Variants in TMEM163 observed in about 807,000 individuals in gnomAD.
TMEM163 encodes transmembrane protein 163.
Under a neutral mutation model 29.3 loss-of-function variants are expected in TMEM163, and 17 were observed. That is an observed-to-expected ratio of 0.58 (90% CI 0.40 to 0.87). TMEM163 has a LOEUF of 0.87. Ranked by LOEUF, TMEM163 falls within the 40% of genes least tolerant of loss-of-function variation. TMEM163 has a pLI of 0.00. For synonymous variants in TMEM163, 157 were observed against 160.6 expected, an observed-to-expected ratio of 0.98 and a Z score of 0.17; for missense variants, 303 against 381.5, an observed-to-expected ratio of 0.79 and a Z score of 1.71.
At chr2:134,568,530 GAAAGA>G in intron 2 of TMEM163, among the ~76,000 whole-genome samples, 1 of 115,212 alleles carries the variant, frequency 8.7e-6, no homozygotes, top group South Asian at 2.7e-4. Flanking sequence ...CGTCAAGAAA[GAAAGA>G]AAAGAAAGAG....
chr2:134,633,504 C>T lies in TMEM163; in HGVS notation c.322+79696G>A, dbSNP rs183784942. ...GTCATGCAGACTCTTAATACAAGTT[C>T]CATAAAAAATTAGAAAGATGGGAGC... On this transcript the variant is annotated intron_variant, in intron 2 of 7. Transcript: ENST00000281924. 2.2e-3 allele frequency among the ~76,000 whole-genome samples: 339 copies of T among 152,164 alleles called. 3 individuals are homozygous for T. The highest frequency in any genetic ancestry group is 0.015 in the South Asian group (70 of 4,816).
rs528326156 is a variant in TMEM163, at chr2:134,537,734, C to T, written c.458+12836G>A. On this transcript the variant is annotated intron_variant, in intron 4 of 7. Transcript: ENST00000281924. ...TTCATCTGAGTCCCCTGACTTTGTG[C>T]CATTAAAATCAAGCTTCAATCCATG... is the stretch of plus-strand genomic sequence containing the variant. Among the ~76,000 whole-genome samples, 4 of 152,286 alleles carry T rather than the reference C, an allele frequency of 2.6e-5. No homozygotes were observed. In the South Asian group the frequency reaches 8.3e-4, roughly 32 times the overall value.
chr2:134,516,185 C>A (rs1432464484), intron 4 of TMEM163, among the ~76,000 whole-genome samples: 2 of 152,022 alleles, frequency 1.3e-5, no homozygotes, highest in Non-Finnish European at 2.9e-5. Context: ...ACTTCCCTCC[C>A]AAAACTGTAG....
chr2:134,458,038 C>A lies in TMEM163; in HGVS notation c.803G>T (p.Gly268Val). The change falls in exon 7 of 8, where the codon GGG becomes GTG. Residue 268 changes from glycine (G) to valine (V), a missense_variant. By Grantham distance (109) the Gly-to-Val change is moderately radical. Transcript: ENST00000281924. ...GGAAAGCACAAGAACCTACTTGACC[C>A]CATAGGCAAATATGGTGAGGCCGAT... ...VLIGLTIFAY[G>V]VKLLIDMVPR... The A allele has an allele frequency of 1.2e-6, 2 of 1,614,174 alleles. No homozygotes were observed. Among genetic ancestry groups the A allele is most frequent in the Non-Finnish European group, 1.7e-6 (2 of 1,180,034 alleles).
chr2:134,472,892 T>C (rs986790530), intron 5 of TMEM163, among the ~76,000 whole-genome samples: 1 of 152,224 alleles, frequency 6.6e-6, no homozygotes, highest in South Asian at 2.1e-4. Context: ...TCTCTGACAA[T>C]GGGATTAAAC....
chr2:134,606,616 T>C (rs999052771), intron 2 of TMEM163, among the ~76,000 whole-genome samples: 1 of 152,152 alleles, frequency 6.6e-6, no homozygotes, highest in Non-Finnish European at 1.5e-5. Flanking sequence ...ACAGGGGCTG[T>C]GCCTCCTGTG....
intron 2 of TMEM163, among the ~76,000 whole-genome samples, chr2:134,618,581 C>G (rs1200373121): frequency 6.6e-6 from 1 of 152,026 alleles, no homozygotes; most frequent in East Asian, 1.9e-4. Context: ...CTAACAAGAG[C>G]AAGATTATTT....
At chr2:134,641,170 C>T (rs1197483176) in intron 2 of TMEM163, among the ~76,000 whole-genome samples, 2 of 152,066 alleles carry the variant, frequency 1.3e-5, no homozygotes, top group African/African-American at 4.8e-5. Flanking sequence ...AAATAAAATG[C>T]AGAAACAGGC....
At chr2:134,461,974 G>T (rs543007947) in intron 6 of TMEM163, among the ~76,000 whole-genome samples, 2 of 152,268 alleles carry the variant, frequency 1.3e-5, no homozygotes, top group East Asian at 1.9e-4. Context: ...ATTATAGATC[G>T]CTCCCTAGTT....
chr2:134,459,706 G>A (rs1002712226), intron 6 of TMEM163, among the ~76,000 whole-genome samples: 2 of 151,738 alleles, frequency 1.3e-5, no homozygotes, highest in African/African-American at 4.8e-5. Flanking sequence ...AGTGGTGACA[G>A]GCCCCCTTTT....
intron 5 of TMEM163, among the ~76,000 whole-genome samples, chr2:134,484,825 C>T (rs755937048): frequency 6.6e-5 from 10 of 152,116 alleles, no homozygotes; most frequent in Admixed American, 3.9e-4. Flanking sequence ...CCATAAATCA[C>T]GCTGATAACA....
chr2:134,642,478 CAGAT>C, intron 2 of TMEM163, among the ~76,000 whole-genome samples: 1 of 152,078 alleles, frequency 6.6e-6, no homozygotes, highest in South Asian at 2.1e-4. Flanking sequence ...TTCTTAGTAA[CAGAT>C]AGAACTAGTA....
chr2:134,481,727 G>A (rs1016389537), intron 5 of TMEM163, among the ~76,000 whole-genome samples: 4 of 152,148 alleles, frequency 2.6e-5, no homozygotes, highest in African/African-American at 9.7e-5. Flanking sequence ...GGGGTCTAAT[G>A]CTCCCTCATT....
intron 4 of TMEM163, among the ~76,000 whole-genome samples, chr2:134,513,526 C>T (rs918095660): frequency 2.0e-5 from 3 of 152,166 alleles, no homozygotes; most frequent in African/African-American, 4.8e-5. Context: ...TGGAGCTTCA[C>T]GTGCTAATAA....
intron 1 of TMEM163, among the ~76,000 whole-genome samples, chr2:134,716,528 G>A (rs777304951): frequency 2.8e-4 from 43 of 152,102 alleles, no homozygotes; most frequent in Non-Finnish European, 4.7e-4. Flanking sequence ...GTGCAGATCC[G>A]AGGTACCCCT....
chr2:134,465,417 G>GCTC (rs1686649388), intron 6 of TMEM163, among the ~76,000 whole-genome samples: 1 of 152,160 alleles, frequency 6.6e-6, no homozygotes, highest in Non-Finnish European at 1.5e-5. Flanking sequence ...TGACCCCTGG[G>GCTC]CTCCGCACAT....
Position 134,661,925 on chromosome 2 carries a change from C to CTTTTTTTTTTTTTTTTTTTTT in TMEM163, c.322+51274_322+51275insAAAAAAAAAAAAAAAAAAAAA, listed in dbSNP as rs201436466. On this transcript the variant is annotated intron_variant, in intron 2 of 7. Transcript: ENST00000281924. ...AAGTTTTCATGGATTCATTAATTTT[C>CTTTTTTTTTTTTTTTTTTTTT]TTTCTTTTTTTTTTTTTTTTTTTTG... Among the ~76,000 whole-genome samples, 17 of 79,068 alleles carry CTTTTTTTTTTTTTTTTTTTTT rather than the reference C, an allele frequency of 2.2e-4. 7 individuals carry two copies. Among genetic ancestry groups the CTTTTTTTTTTTTTTTTTTTTT allele is most frequent in the African/African-American group, 4.1e-4 (7 of 16,966 alleles). 51.9% of individuals were successfully genotyped at this position (79,068 alleles called of 152,430 possible). A position where few individuals can be genotyped will look rare whatever the true frequency, so the allele number is the denominator to read the frequency against.
At chr2:134,622,580 A>G (rs1441958285) in intron 2 of TMEM163, among the ~76,000 whole-genome samples, 1 of 152,250 alleles carries the variant, frequency 6.6e-6, no homozygotes, top group East Asian at 1.9e-4. Context: ...TCCTAATTCC[A>G]CTTACTTAAG....
chr2:134,593,290 T>C (rs530855972), intron 2 of TMEM163, among the ~76,000 whole-genome samples: 98 of 152,288 alleles, frequency 6.4e-4, no homozygotes, highest in African/African-American at 1.9e-3. Context: ...GTGATTCTAA[T>C]TGCATTCACT....
Sources: gnomAD v4.1 joint callset for allele counts (sites outside exome capture counted in the v4.1 genomes callset) on GRCh38, gnomAD v4.1.1 for gene constraint, MANE v1.5 for transcripts, NCBI Gene and HGNC (gene_info 2026-07-23, HGNC 2026-07-21) for gene names.